Variants in ANKRD62 observed in about 807,000 individuals in gnomAD.
The protein encoded by ANKRD62 is ankyrin repeat domain-containing protein 62.
In ANKRD62, 61 loss-of-function variants were observed where a neutral mutation model predicts 98.8. The ratio of observed to expected loss-of-function variants is 0.62; its 90% CI spans 0.50 to 0.76. The LOEUF (loss-of-function observed/expected upper bound fraction) is 0.76, where lower values mean the gene tolerates loss of function less well. Among genes scored for constraint, ANKRD62 ranks in the 30% least tolerant of loss-of-function variants. The pLI, the probability that ANKRD62 is intolerant of heterozygous loss-of-function variation, is 0.00. For synonymous variants in ANKRD62, 341 were observed against 367.9 expected, an observed-to-expected ratio of 0.93 and a Z score of 0.84; for missense variants, 933 against 1,082.9, an observed-to-expected ratio of 0.86 and a Z score of 1.94.
intron 13 of ANKRD62, among the ~76,000 whole-genome samples, chr18:12,126,901 A>G (rs543611891): frequency 1.3e-5 from 2 of 152,160 alleles, no homozygotes; most frequent in East Asian, 3.8e-4. Context: ...ATTCATGTCA[A>G]TTTGACTTAA....
downstream of ANKRD62, among the ~76,000 whole-genome samples, chr18:12,132,141 A>G (rs1359331862): frequency 1.3e-5 from 2 of 152,166 alleles, no homozygotes; most frequent in African/African-American, 2.4e-5. Context: ...GATATTTTGC[A>G]TAGTGTCAGA....
At chr18:12,114,958 A>T in intron 8 of ANKRD62, 130 bp from the exon 9 acceptor site, 1 of 714,526 alleles carries the variant, frequency 1.4e-6, no homozygotes, top group South Asian at 6.5e-5. Flanking sequence ...TAAAAACATT[A>T]CCTGTAAACA....
chr18:12,094,051 A>G lies in ANKRD62; in HGVS notation c.34A>G (p.Arg12Gly). The G allele has an allele frequency of 6.5e-7, 1 of 1,535,292 alleles. No individual in the cohort carries two copies. The highest frequency in any genetic ancestry group is 8.7e-7 in the Non-Finnish European group (1 of 1,146,788). The change falls in exon 1 of 14, where the codon AGG (arginine) becomes GGG (glycine). Residue 12 changes from arginine to glycine, a missense_variant. Around this residue, in one of 3 missense-constraint regions of ANKRD62, gnomAD observed 549 missense variants for 587.9 expected, o/e 0.93. Coordinates refer to ENST00000587848, the MANE Select transcript of ANKRD62 (RefSeq NM_001277333.2). The part of the protein sequence containing the change: ...EVRGSFLAAC[R>G]RRMATWRKNR... ...CAGGGGGTCGTTCCTGGCGGCCTGC[A>G]GGAGACGCATGGCTACCTGGAGGAA... is the stretch of plus-strand genomic sequence containing the variant.
downstream of ANKRD62, among the ~76,000 whole-genome samples, chr18:12,130,565 C>T (rs187689473): frequency 9.9e-5 from 15 of 152,220 alleles, no homozygotes; most frequent in East Asian, 7.7e-4. Flanking sequence ...TTTGTATACA[C>T]CTAATGAAAT....
the ANKRD62 span, among the ~76,000 whole-genome samples, chr18:12,157,662 C>T: frequency 6.6e-6 from 1 of 152,166 alleles, no homozygotes; most frequent in Non-Finnish European, 1.5e-5. Flanking sequence ...CTATTTACAT[C>T]TTTGTCCTTT....
In ANKRD62 at chr18:12,096,270, AC is replaced by A; in HGVS notation, c.584del (p.Pro195GlnfsTer3). On this transcript the variant is annotated frameshift_variant, in exon 4 of 14. Transcript: ENST00000587848. LOFTEE classifies it high-confidence loss of function. Reference sequence around the variant, plus strand: ...TGGTGGCATTTTTGTTGAAGAAAAAACCAGATTTAACTGCAATAGATAATTT... The same window carrying A: ...TGGTGGCATTTTTGTTGAAGAAAAAACAGATTTAACTGCAATAGATAATTT... The part of the protein sequence containing the change: ...QMVAFLLKKK[P>X]DLTAIDNFGR... 1 of 1,533,238 alleles carries A rather than the reference AC, an allele frequency of 6.5e-7. No homozygotes were observed. 95.0% of individuals were successfully genotyped at this position (1,533,238 alleles called of 1,614,324 possible).
At chr18:12,151,628 A>T in the ANKRD62 span, among the ~76,000 whole-genome samples, 1 of 152,168 alleles carries the variant, frequency 6.6e-6, no homozygotes, top group Non-Finnish European at 1.5e-5. Flanking sequence ...ATATCAAATT[A>T]ACGACCTAAC....
chr18:12,097,817 TA>T, intron 5 of ANKRD62, 40 bp downstream of exon 5: 1 of 1,528,498 alleles, frequency 6.5e-7, no homozygotes. Context: ...AATTGAGGTT[TA>T]AAGTCATTGT....
the ANKRD62 span, among the ~76,000 whole-genome samples, chr18:12,172,101 A>T: frequency 6.6e-6 from 1 of 152,098 alleles, no homozygotes; most frequent in South Asian, 2.1e-4. Context: ...AGCTCAGAGA[A>T]GTTTCTTATT....
chr18:12,164,053 A>G, the ANKRD62 span, among the ~76,000 whole-genome samples: 2 of 151,858 alleles, frequency 1.3e-5, no homozygotes, highest in East Asian at 1.9e-4. Context: ...TCCCTCCTCT[A>G]TTATTTGAAG....
At chr18:12,155,521 G>A in the ANKRD62 span, among the ~76,000 whole-genome samples, 1 of 152,110 alleles carries the variant, frequency 6.6e-6, no homozygotes, top group African/African-American at 2.4e-5. Context: ...CTGTGGACAC[G>A]GGCTTCCTTG....
chr18:12,104,947 TG>T (rs1568059933), intron 7 of ANKRD62, among the ~76,000 whole-genome samples: 1 of 152,070 alleles, frequency 6.6e-6, no homozygotes, highest in Non-Finnish European at 1.5e-5. Flanking sequence ...TAACATAGAC[TG>T]GGAGAATTTT....
intron 5 of ANKRD62, among the ~76,000 whole-genome samples, chr18:12,099,062 A>G (rs1909244727): frequency 6.6e-6 from 1 of 152,256 alleles, no homozygotes; most frequent in African/African-American, 2.4e-5. Context: ...TACAAATAAT[A>G]GAACAAGTAA....
At chr18:12,130,258 A>G (rs1453673503), downstream of ANKRD62, among the ~76,000 whole-genome samples, 1 of 152,208 alleles carries the variant, frequency 6.6e-6, no homozygotes, top group African/African-American at 2.4e-5. Flanking sequence ...CAGAATTTAT[A>G]TAATTATTCC....
At chr18:12,141,664 G>C in the ANKRD62 span, among the ~76,000 whole-genome samples, 1 of 112,526 alleles carries the variant, frequency 8.9e-6, no homozygotes, top group Non-Finnish European at 1.8e-5. Context: ...ATGTCAGCCA[G>C]CTCTGTCTGG....
At chr18:12,107,496 A>G (rs1204147639) in intron 8 of ANKRD62, 29 bp downstream of exon 8, 11 of 1,410,538 alleles carry the variant, frequency 7.8e-6, no homozygotes, top group Non-Finnish European at 1.0e-5. Flanking sequence ...TTAACAGCGG[A>G]TCACTGTTAA....
chr18:12,151,618 A>G, the ANKRD62 span, among the ~76,000 whole-genome samples: 1 of 152,202 alleles, frequency 6.6e-6, no homozygotes, highest in Non-Finnish European at 1.5e-5. Context: ...TGTTAGAAAG[A>G]TATCAAATTA....
At chr18:12,177,568 GT>G in the ANKRD62 span, among the ~76,000 whole-genome samples, 13 of 152,046 alleles carry the variant, frequency 8.6e-5, no homozygotes, top group African/African-American at 2.7e-4. Flanking sequence ...GCAGTTGTGT[GT>G]TTCCACAAAT....
rs1037773348 is a variant in ANKRD62, at chr18:12,125,660, A to G, written c.1839A>G (p.Ala613=). ...AGACTCTCAAGCGGAATGAGGAAGC[A>G]TTAACAAAAACAATAACCCGGTATA... ...LEKTLKRNEE[A]LTKTITRYSK... is the part of the protein sequence containing the mutation. Residue 613 remains alanine (A), a synonymous_variant, in exon 13 of 14, where the codon GCA becomes GCG. Coordinates refer to ENST00000587848, the MANE Select transcript of ANKRD62 (RefSeq NM_001277333.2). 2.9e-5 allele frequency: 44 copies of G among 1,532,610 alleles called. No individual in the cohort carries two copies. Among genetic ancestry groups the G allele is most frequent in the Non-Finnish European group, 3.6e-5 (41 of 1,145,616 alleles). The allele number at this position is 1,532,610 out of a possible 1,614,324, so 94.9% of individuals were successfully genotyped here.
Sources: allele counts gnomAD v4.1 joint callset (sites outside exome capture counted in the v4.1 genomes callset), GRCh38; gene constraint gnomAD v4.1.1; regional missense constraint gnomAD v4.1.1; transcripts MANE v1.5; gene names NCBI Gene and HGNC (gene_info 2026-07-23, HGNC 2026-07-21).